The following TGFB2 variants were observed in gnomAD, a reference collection of about 807,000 sequenced individuals.
The protein encoded by TGFB2 is transforming growth factor beta 2, also known as transforming growth factor beta-2 proprotein.
In TGFB2, 13 loss-of-function variants were observed where a neutral mutation model predicts 42.7. The ratio of observed to expected loss-of-function variants is 0.30; its 90% CI spans 0.20 to 0.48. The LOEUF is 0.48. Among genes scored for constraint, TGFB2 ranks in the 20% least tolerant of loss-of-function variants. The pLI, the probability that TGFB2 is intolerant of heterozygous loss-of-function variation, is 0.99. For synonymous variants in TGFB2, 193 were observed against 193.6 expected (o/e 1.00, Z 0.03); for missense variants, 390 against 517.5 (o/e 0.75, Z 2.39).
intron 1 of TGFB2, among the ~76,000 whole-genome samples, chr1:218,401,316 G>C (rs1443522258): frequency 6.6e-6 from 1 of 152,150 alleles, no homozygotes; most frequent in Admixed American, 6.6e-5. Context: ...TGACTAGTTA[G>C]ATTTTCTCAG....
chr1:218,400,735 C>A (rs922881776), intron 1 of TGFB2, among the ~76,000 whole-genome samples: 2 of 152,192 alleles, frequency 1.3e-5, no homozygotes, highest in Non-Finnish European at 1.5e-5. Context: ...CATATTGTGG[C>A]ACTGCCAGCT....
chr1:218,411,376 G>A (rs1161344548), intron 2 of TGFB2, among the ~76,000 whole-genome samples: 1 of 152,158 alleles, frequency 6.6e-6, no homozygotes, highest in South Asian at 2.1e-4. Flanking sequence ...TGACAGTTGG[G>A]CTGGTCTGGA....
intron 2 of TGFB2, among the ~76,000 whole-genome samples, chr1:218,407,528 A>G (rs555286471): frequency 3.3e-5 from 5 of 152,218 alleles, no homozygotes; most frequent in Non-Finnish European, 7.3e-5. Flanking sequence ...TCGTCGCCCC[A>G]AGGTCAGAGA....
chr1:218,413,285 A>G (rs1346038009), intron 2 of TGFB2, among the ~76,000 whole-genome samples: 1 of 152,202 alleles, frequency 6.6e-6, no homozygotes, highest in Non-Finnish European at 1.5e-5. Flanking sequence ...AGGCAGGAGA[A>G]TCACTTGAAC....
At chr1:218,361,430 T>C (rs1657206756) in intron 1 of TGFB2, among the ~76,000 whole-genome samples, 1 of 152,216 alleles carries the variant, frequency 6.6e-6, no homozygotes, top group African/African-American at 2.4e-5. Context: ...CCTCATCTTA[T>C]TCCCACACAG....
chr1:218,392,405 C>G (rs546042413), intron 1 of TGFB2, among the ~76,000 whole-genome samples: 1 of 152,088 alleles, frequency 6.6e-6, no homozygotes, highest in Non-Finnish European at 1.5e-5. Context: ...TAAGTAGGAT[C>G]GAGTGGAAAG....
chr1:218,347,952 A>G (rs1179352586), intron 1 of TGFB2, among the ~76,000 whole-genome samples: 2 of 131,822 alleles, frequency 1.5e-5, no homozygotes, highest in Non-Finnish European at 3.2e-5. Context: ...TTTTTTTTTT[A>G]CTGGCTTCTC....
chr1:218,416,426 C>T (rs1183980276), intron 2 of TGFB2, among the ~76,000 whole-genome samples: 2 of 151,970 alleles, frequency 1.3e-5, no homozygotes, highest in Non-Finnish European at 2.9e-5. Context: ...TTTGGAACCC[C>T]GTTCTAGAAC....
chr1:218,434,337 G>A lies in TGFB2; in HGVS notation c.644-1G>A. 1 of 1,613,546 alleles carries A rather than the reference G, an allele frequency of 6.2e-7. No individual in the cohort carries two copies. Among genetic ancestry groups the A allele is most frequent in the African/African-American group, 1.3e-5 (1 of 75,018 alleles). On this transcript the variant is annotated splice_acceptor_variant, in intron 3 of 6. Transcript: ENST00000366930. LOFTEE classifies it high-confidence loss of function. ...GACCTCCTTGACTTAATGTTTTCCAGACAGGAACCTGGGATTTAAAATAAG... is the reference window on the plus strand; with the variant it reads ...GACCTCCTTGACTTAATGTTTTCCAAACAGGAACCTGGGATTTAAAATAAG...
chr1:218,441,499 TACTAGTTCAGAC>T lies in TGFB2; in HGVS notation c.*141_*152del, dbSNP rs1660151294. ...TGTTAAAAAATTTTTGAAAAGGCGG[TACTAGTTCAGAC>T]ACTTTGGAAGTTTGTGTTCTGTTTG... On this transcript the variant is annotated 3_prime_UTR_variant, in exon 7 of 7. Coordinates refer to ENST00000366930, the MANE Select transcript of TGFB2 (RefSeq NM_003238.6). 3 of 849,948 alleles carry T rather than the reference TACTAGTTCAGAC, an allele frequency of 3.5e-6. No individual in the cohort carries two copies. Among genetic ancestry groups the T allele is most frequent in the Non-Finnish European group, 5.1e-6 (3 of 584,086 alleles). The allele number at this position is 849,948 out of a possible 1,614,324, so 52.7% of individuals were successfully genotyped here.
At chr1:218,423,458 G>A (rs566654468) in intron 2 of TGFB2, among the ~76,000 whole-genome samples, 2 of 152,138 alleles carry the variant, frequency 1.3e-5, no homozygotes, top group East Asian at 1.9e-4. Flanking sequence ...GTGAAAGTAA[G>A]CATGTCATTG....
intron 2 of TGFB2, among the ~76,000 whole-genome samples, chr1:218,412,212 T>C (rs1659124576): frequency 6.6e-6 from 1 of 152,304 alleles, no homozygotes; most frequent in East Asian, 1.9e-4. Context: ...AATAAACATA[T>C]ACCCAAGATA....
intron 2 of TGFB2, among the ~76,000 whole-genome samples, chr1:218,426,252 C>G (rs11466407): frequency 1.8e-3 from 267 of 152,298 alleles, no homozygotes; most frequent in Middle Eastern, 0.014. Flanking sequence ...TTTGCAATGT[C>G]TCATAGACGT....
At chr1:218,428,753 T>C (rs2102620211) in intron 2 of TGFB2, among the ~76,000 whole-genome samples, 1 of 152,304 alleles carries the variant, frequency 6.6e-6, no homozygotes, top group East Asian at 1.9e-4. Flanking sequence ...GTAGTATAGT[T>C]TGAAGTCAGG....
At chr1:218,391,213 C>A (rs1658306620) in intron 1 of TGFB2, among the ~76,000 whole-genome samples, 1 of 152,182 alleles carries the variant, frequency 6.6e-6, no homozygotes, top group Admixed American at 6.5e-5. Context: ...GTCCCACTGG[C>A]CATTTTCCTT....
chr1:218,350,183 C>T (rs12088579), intron 1 of TGFB2, among the ~76,000 whole-genome samples: 4,663 of 152,232 alleles, frequency 0.031, 97 homozygotes, highest in East Asian at 0.082. Flanking sequence ...GTAGAGAGTC[C>T]GACAATCAAA....
At position 218,442,044 on chromosome 1, in the gene TGFB2, C is replaced by G. The variant is rs1320986187; in HGVS notation, c.*682C>G. 2 of 152,008 alleles carry G rather than the reference C, an allele frequency of 1.3e-5. No homozygotes were observed. The highest frequency in any genetic ancestry group is 4.8e-5 in the African/African-American group (2 of 41,394). 9.4% of individuals were successfully genotyped at this position (152,008 alleles called of 1,614,324 possible). On this transcript the variant is annotated 3_prime_UTR_variant, in exon 7 of 7. Transcript: ENST00000366930. The stretch of plus-strand genomic sequence containing the variant: ...GAAAGTCTGCATTAAGATAAAGACC[C>G]TGAAAACACATGTTATGTATCAGCT...
intron 1 of TGFB2, among the ~76,000 whole-genome samples, chr1:218,349,775 T>G (rs1176612428): frequency 6.6e-6 from 1 of 152,266 alleles, no homozygotes; most frequent in African/African-American, 2.4e-5. Flanking sequence ...GAGGCATATT[T>G]TGTCTTAAAT....
At chr1:218,383,773 T>C (rs1658040659) in intron 1 of TGFB2, among the ~76,000 whole-genome samples, 1 of 152,246 alleles carries the variant, frequency 6.6e-6, no homozygotes. Flanking sequence ...CAGATTGCAA[T>C]AAAATCAACC....
Sources: allele counts gnomAD v4.1 joint callset (sites outside exome capture counted in the v4.1 genomes callset), GRCh38; gene constraint gnomAD v4.1.1; transcripts MANE v1.5; gene names NCBI Gene and HGNC (gene_info 2026-07-23, HGNC 2026-07-21).